The following BIRC6 variants were observed in gnomAD, a reference collection of about 807,000 sequenced individuals.
BIRC6 encodes baculoviral IAP repeat containing 6, also known as dual E2 ubiquitin-conjugating enzyme/E3 ubiquitin-protein ligase BIRC6.
Under a neutral mutation model 503.3 loss-of-function variants are expected in BIRC6, and 98 were observed. That is an observed-to-expected ratio of 0.19 (90% CI 0.17 to 0.23). The LOEUF (loss-of-function observed/expected upper bound fraction) is 0.23, where lower values mean the gene tolerates loss of function less well. BIRC6 is among the 10% of genes least tolerant of loss of function. The pLI is 1.00. For missense variants in BIRC6, 5,360 were observed against 5,806.0 expected, an observed-to-expected ratio of 0.92 and a Z score of 2.50; for synonymous variants, 2,240 against 2,078.7, an observed-to-expected ratio of 1.08 and a Z score of -2.11.
Position 32,357,514 on chromosome 2 carries a change from C to T in BIRC6, c.325+28C>T, listed in dbSNP as rs1423688902. On this transcript the variant is annotated intron_variant, in intron 1 of 73. Coordinates refer to ENST00000421745, the MANE Select transcript of BIRC6 (RefSeq NM_016252.4). The surrounding 1 kb of genome is among the most constrained non-coding windows in gnomAD (Gnocchi z 4.9). ...GAGTCTTCCGCACGCCGGGCGGGCGCGAAGCCGGGGAAAGAAGCCGTCCAG... is the reference window on the plus strand; with the variant it reads ...GAGTCTTCCGCACGCCGGGCGGGCGTGAAGCCGGGGAAAGAAGCCGTCCAG... 2.6e-6 allele frequency: 4 copies of T among 1,534,552 alleles called. No homozygotes were observed. Among genetic ancestry groups the T allele is most frequent in the Non-Finnish European group, 3.5e-6 (4 of 1,141,486 alleles).
chr2:32,602,981 T>G, intron 70 of BIRC6, 25 bp from the exon 71 acceptor site: 1 of 1,583,042 alleles, frequency 6.3e-7, no homozygotes, highest in Non-Finnish European at 8.6e-7. Context: ...TTTTCAATTC[T>G]GTTTATGCTT....
chr2:32,460,245 GAT>G (rs1269564471), intron 23 of BIRC6, among the ~76,000 whole-genome samples: 965 of 30,950 alleles, frequency 0.031, 50 homozygotes, highest in Middle Eastern at 0.11. Context: ...TCTCGTATAT[GAT>G]ATATATATAT....
At chr2:32,472,672 A>G (rs1263316442) in intron 32 of BIRC6, among the ~76,000 whole-genome samples, 2 of 152,234 alleles carry the variant, frequency 1.3e-5, no homozygotes, top group Admixed American at 6.5e-5. Context: ...ATAGTTAGAC[A>G]GTTATGCGTT....
intron 55 of BIRC6, among the ~76,000 whole-genome samples, chr2:32,516,515 CAAAA>C (rs540024426): frequency 2.0e-5 from 1 of 51,176 alleles, no homozygotes; most frequent in Non-Finnish European, 4.1e-5. Context: ...GACTCTGTCT[CAAAA>C]AAAAAAAAAA....
rs766817946 is a variant in BIRC6 at position 32,518,884 on chromosome 2, A to G, written c.11561A>G (p.Lys3854Arg). The change falls in exon 57 of 74, where the codon AAA (lysine) becomes AGA (arginine). Residue 3854 changes from lysine (K) to arginine (R), a missense_variant. Lys to Arg is a conservative substitution (Grantham distance 26, BLOSUM62 2). Transcript: ENST00000421745. ...CATCCAATGTATGGAGCAGGCCACA[A>G]ATTCCGTACTCTTCATTTGCCAGTC... ...IQHPMYGAGH[K>R]FRTLHLPVST... is the part of the protein sequence containing the mutation. The G allele has an allele frequency of 6.8e-6, 11 of 1,613,832 alleles. No individual in the cohort carries two copies. The highest frequency in any genetic ancestry group is 1.7e-5 in the Admixed American group (1 of 60,006).
At chr2:32,438,891 T>G (rs563308423) in intron 15 of BIRC6, among the ~76,000 whole-genome samples, 1 of 152,292 alleles carries the variant, frequency 6.6e-6, no homozygotes, top group East Asian at 1.9e-4. Context: ...CCAAGCACAG[T>G]TAACAGTGGT....
At chr2:32,403,338 T>C (rs1290682451) in intron 8 of BIRC6, among the ~76,000 whole-genome samples, 1 of 152,192 alleles carries the variant, frequency 6.6e-6, no homozygotes, top group Non-Finnish European at 1.5e-5. Flanking sequence ...ATTGGAAAAA[T>C]CTAAGCTTAT....
chr2:32,588,317 T>C (rs2061193295), intron 66 of BIRC6, among the ~76,000 whole-genome samples: 2 of 152,162 alleles, frequency 1.3e-5, no homozygotes, highest in South Asian at 4.1e-4. Context: ...GATCTGCCAT[T>C]GCACTCCAGC....
chr2:32,452,808 G>A (rs538551777), intron 22 of BIRC6, among the ~76,000 whole-genome samples: 19 of 152,024 alleles, frequency 1.2e-4, no homozygotes, highest in African/African-American at 4.3e-4. Flanking sequence ...TATAGTCTTC[G>A]TGAGGACTGG....
chr2:32,574,531 T>C (rs1241825948), intron 65 of BIRC6: 1 of 155,986 alleles, frequency 6.4e-6, no homozygotes, highest in African/African-American at 2.4e-5. Flanking sequence ...TTATATACTG[T>C]AAGGTAAGGA....
Position 32,557,275 on chromosome 2 carries a change from C to T in BIRC6, c.13144+7794C>T, listed in dbSNP as rs1193369786. The T allele has an allele frequency of 2.6e-5, 4 of 152,286 alleles. No individual in the cohort carries two copies. The South Asian group carries it at 6.2e-4, about 24-fold the overall frequency. The allele number at this position is 152,286 out of a possible 1,614,324, so 9.4% of individuals were successfully genotyped here. On this transcript the variant is annotated intron_variant, in intron 65 of 73. Coordinates refer to ENST00000421745, the MANE Select transcript of BIRC6 (RefSeq NM_016252.4). ...TTCATAGTCTTCTTTCCTATACTGA[C>T]TAAATTTCCCTTTCCTGTATTCAGT...
chr2:32,470,976 C>A, intron 31 of BIRC6, 38 bp from the exon 32 acceptor site: 1 of 1,546,482 alleles, frequency 6.5e-7, no homozygotes, highest in South Asian at 1.2e-5. Context: ...ATCCTAAAGT[C>A]ATCTGGATGT....
At chr2:32,599,494 C>T (rs1383668939) in intron 69 of BIRC6, among the ~76,000 whole-genome samples, 6 of 151,720 alleles carry the variant, frequency 4.0e-5, no homozygotes, top group Admixed American at 2.6e-4. Flanking sequence ...AAAAATTAAC[C>T]GGGCATGTTG....
chr2:32,448,853 T>C lies in BIRC6; in HGVS notation c.4543T>C (p.Ser1515Pro). 6.2e-7 allele frequency: 1 copy of C among 1,613,486 alleles called. No homozygotes were observed. The highest frequency in any genetic ancestry group is 8.5e-7 in the Non-Finnish European group (1 of 1,179,474). The change falls in exon 22 of 74, where the codon TCT becomes CCT. Residue 1515 changes from serine to proline, a missense_variant. By Grantham distance (74) the Ser-to-Pro change is moderately conservative (BLOSUM62 -1). Coordinates refer to ENST00000421745, the MANE Select transcript of BIRC6 (RefSeq NM_016252.4). ...CCTCTTTGATTTGGAGATGAGTGGC[T>C]CTTCTTGTAAAAATGTTTATAACAG... is the stretch of plus-strand genomic sequence containing the variant. ...PVLFDLEMSG[S>P]SCKNVYNSSI...
intron 16 of BIRC6, among the ~76,000 whole-genome samples, chr2:32,439,912 T>C (rs2148263110): frequency 6.6e-6 from 1 of 152,354 alleles, no homozygotes; most frequent in Middle Eastern, 3.4e-3. Context: ...GGGGTCTCAC[T>C]CTTTCCCCCA....
chr2:32,376,213 A>G (rs902430646), intron 1 of BIRC6, among the ~76,000 whole-genome samples: 40 of 151,300 alleles, frequency 2.6e-4, no homozygotes, highest in Admixed American at 9.9e-4. Flanking sequence ...AGGAAAATAC[A>G]TGAGAATCAG....
chr2:32,377,516 T>C, intron 1 of BIRC6, 72 bp from the exon 2 acceptor site: 1 of 1,254,358 alleles, frequency 8.0e-7, no homozygotes, highest in Non-Finnish European at 1.1e-6. Flanking sequence ...GTTTAGTCAC[T>C]ATGTAAACAT....
Position 32,551,527 on chromosome 2 carries a change from C to T in BIRC6, c.13144+2046C>T, listed in dbSNP as rs112792411. Among the ~76,000 whole-genome samples the T allele has an allele frequency of 9.9e-3, 1,505 of 152,236 alleles. 20 individuals are homozygous for T. Among genetic ancestry groups the T allele is most frequent in the Admixed American group, 0.015 (233 of 15,288 alleles). ...CAAATCCTGGCCCCATGTGATCTGC[C>T]CACCTTGGCCTCCAAAAGTGCTGGA... On this transcript the variant is annotated intron_variant, in intron 65 of 73. Coordinates refer to ENST00000421745, the MANE Select transcript of BIRC6 (RefSeq NM_016252.4).
At chr2:32,530,233 CAG>C (rs1473446651) in intron 60 of BIRC6, among the ~76,000 whole-genome samples, 1 of 151,804 alleles carries the variant, frequency 6.6e-6, no homozygotes, top group Non-Finnish European at 1.5e-5. Flanking sequence ...TTTTTTGAGA[CAG>C]AGTCTTTTTC....
Sources: allele counts gnomAD v4.1 joint callset (sites outside exome capture counted in the v4.1 genomes callset), GRCh38; gene constraint gnomAD v4.1.1; non-coding constraint Gnocchi (gnomAD v3.1); transcripts MANE v1.5; gene names NCBI Gene and HGNC (gene_info 2026-07-23, HGNC 2026-07-21).